PRH1: variants seen among roughly 807,000 people sequenced by gnomAD.
PRH1 encodes the protein proline rich protein HaeIII subfamily 1, also known as salivary acidic proline-rich phosphoprotein 1/2.
PRH1 carries 7 observed loss-of-function variants against 7.9 expected under a neutral mutation model. The ratio of observed to expected loss-of-function variants is 0.89; its 90% CI spans 0.50 to 1.67. The LOEUF is 1.67. PRH1 is among the 40% of genes most tolerant of loss of function. PRH1 has a pLI of 0.00. For synonymous variants in PRH1, 45 were observed against 80.8 expected (o/e 0.56, Z 2.38); for missense variants, 109 against 223.6 (o/e 0.49, Z 3.27).
At chr12:11,168,891 T>A (rs1947718928) in intron 1 of PRH1, among the ~76,000 whole-genome samples, 1 of 152,110 alleles carries the variant, frequency 6.6e-6, no homozygotes, top group Admixed American at 6.6e-5. Context: ...CTGAGAAAAA[T>A]TAGCTATTGT....
At chr12:10,914,656 TC>T (rs879846104) in intron 2 of PRH1, among the ~76,000 whole-genome samples, 6 of 152,198 alleles carry the variant, frequency 3.9e-5, no homozygotes, top group Non-Finnish European at 8.8e-5. Context: ...CTTCTCCAGC[TC>T]CATTTGTCAG....
chr12:11,147,009 T>C (rs1350228854), intron 1 of PRH1, among the ~76,000 whole-genome samples: 1 of 152,206 alleles, frequency 6.6e-6, no homozygotes, highest in African/African-American at 2.4e-5. Flanking sequence ...CTTACCTCCT[T>C]CTTTTTCCAA....
chr12:11,087,901 T>G (rs2136248528), intron 1 of PRH1, among the ~76,000 whole-genome samples: 1 of 116,662 alleles, frequency 8.6e-6, no homozygotes, highest in East Asian at 2.1e-4. Flanking sequence ...TGGTTCTTAA[T>G]CTACACCCAT....
At chr12:11,168,220 GAA>G (rs374606140) in intron 1 of PRH1, among the ~76,000 whole-genome samples, 1 of 4,946 alleles carries the variant, frequency 2.0e-4, no homozygotes. Context: ...AAAGAAGAAA[GAA>G]AGAAAGAAAG....
chr12:10,962,420 T>A (rs372281109), intron 2 of PRH1, among the ~76,000 whole-genome samples: 14 of 152,348 alleles, frequency 9.2e-5, no homozygotes, highest in Middle Eastern at 3.4e-3. Flanking sequence ...GGGTGCCATG[T>A]GATTTTGATG....
Position 11,037,012 on chromosome 12 carries a change from G to A in PRH1, c.-126+10008C>T, listed in dbSNP as rs1278192559. On this transcript the variant is annotated intron_variant, in intron 1 of 3. Coordinates refer to the PRH1 transcript ENST00000539853. ...TAGGCCTAGACAAGTACCCTCACATGGTATTTCATCAAGAATAATGTAAAA... is the reference window on the plus strand; with the variant it reads ...TAGGCCTAGACAAGTACCCTCACATAGTATTTCATCAAGAATAATGTAAAA... 2.0e-5 allele frequency among the ~76,000 whole-genome samples: 3 copies of A among 152,116 alleles called. No homozygotes were observed. The East Asian group carries it at 5.8e-4, about 29-fold the overall frequency.
intron 2 of PRH1, chr12:10,908,046 T>A (rs1398642949): frequency 4.5e-6 from 1 of 222,610 alleles, no homozygotes; most frequent in Non-Finnish European, 8.7e-6. Context: ...TCTCAATGAA[T>A]GATTTAGAAT....
chr12:11,161,134 C>T lies in PRH1; in HGVS notation n.39+10288G>A, dbSNP rs557651925. Among the ~76,000 whole-genome samples the T allele has an allele frequency of 4.6e-5, 7 of 152,052 alleles. No homozygotes were observed. The South Asian group carries it at 1.5e-3, about 32-fold the overall frequency. On this transcript the variant is annotated intron_variant and non_coding_transcript_variant, in intron 1 of 1. Coordinates refer to the PRH1 transcript ENST00000541175. ...CCTCCTCCATGCACCTTTTCTGCTC[C>T]TGGCTGCCTGGAATAAGGTGACCCC...
intron 2 of PRH1, among the ~76,000 whole-genome samples, chr12:10,897,935 A>G (rs1218168077): frequency 6.6e-6 from 1 of 152,206 alleles, no homozygotes; most frequent in Non-Finnish European, 1.5e-5. Flanking sequence ...ATTTTACACC[A>G]TGAAGTTTCT....
intron 2 of PRH1, chr12:10,891,550 T>A (rs943226360): frequency 6.6e-6 from 1 of 152,232 alleles, no homozygotes; most frequent in Non-Finnish European, 1.5e-5. Context: ...ATCCTATTAA[T>A]CAGCTTGTAG....
At chr12:11,165,167 A>C (rs1947536328) in intron 1 of PRH1, among the ~76,000 whole-genome samples, 1 of 152,052 alleles carries the variant, frequency 6.6e-6, no homozygotes, top group Non-Finnish European at 1.5e-5. Flanking sequence ...GGTATTTTTT[A>C]CTTCATAAGA....
chr12:11,039,796 C>T (rs1942628874), intron 1 of PRH1, among the ~76,000 whole-genome samples: 1 of 152,210 alleles, frequency 6.6e-6, no homozygotes, highest in Admixed American at 6.5e-5. Flanking sequence ...TTATTGTTTA[C>T]AAGCTCATTC....
chr12:11,112,069 A>G (rs1033639039), intron 1 of PRH1, among the ~76,000 whole-genome samples: 1 of 152,100 alleles, frequency 6.6e-6, no homozygotes, highest in African/African-American at 2.4e-5. Context: ...TGGATAAAAT[A>G]CTGGACACAT....
chr12:10,926,546 CT>C (rs769502402), intron 2 of PRH1, among the ~76,000 whole-genome samples: 1 of 152,138 alleles, frequency 6.6e-6, no homozygotes, highest in Non-Finnish European at 1.5e-5. Context: ...CTAATTTCTA[CT>C]TTTAAATGAT....
intron 1 of PRH1, among the ~76,000 whole-genome samples, chr12:11,067,264 G>C (rs1223993979): frequency 6.6e-6 from 1 of 152,048 alleles, no homozygotes; most frequent in Admixed American, 6.5e-5. Context: ...CAACACACAG[G>C]TGTACACATG....
intron 1 of PRH1, among the ~76,000 whole-genome samples, chr12:11,014,653 G>A (rs535037740): frequency 2.0e-5 from 3 of 152,108 alleles, no homozygotes; most frequent in Non-Finnish European, 4.4e-5. Flanking sequence ...CCGAGAACAA[G>A]AATTCAATAA....
At chr12:10,987,390 A>G (rs1939704357) in intron 1 of PRH1, among the ~76,000 whole-genome samples, 1 of 152,134 alleles carries the variant, frequency 6.6e-6, no homozygotes, top group Admixed American at 6.5e-5. Flanking sequence ...CTACATTTAA[A>G]CAGACAGAAT....
At position 10,999,600 on chromosome 12, in the gene PRH1, T is replaced by C. The variant is rs555137051; in HGVS notation, c.-125-25879A>G. Among the ~76,000 whole-genome samples the C allele has an allele frequency of 6.6e-5, 10 of 152,234 alleles. No homozygotes were observed. In the South Asian group the frequency reaches 1.7e-3, roughly 25 times the overall value. ...TGTATCATAAACACTTATGTAACCA[T>C]CATGCAGGATAAGACATGGAACACT... On this transcript the variant is annotated intron_variant, in intron 1 of 3. Coordinates refer to the PRH1 transcript ENST00000539853.
intron 1 of PRH1, among the ~76,000 whole-genome samples, chr12:11,148,655 T>G (rs8018355): frequency 0.34 from 38,034 of 110,670 alleles, 8,205 homozygotes; most frequent in East Asian, 0.76. Context: ...TCATGGTGGA[T>G]AAGCTTTTTG....
Sources: allele counts gnomAD v4.1 joint callset (sites outside exome capture counted in the v4.1 genomes callset), GRCh38; gene constraint gnomAD v4.1.1; transcripts MANE v1.5; gene names NCBI Gene and HGNC (gene_info 2026-07-23, HGNC 2026-07-21).